Variants in EFNA5 observed in about 807,000 individuals in gnomAD.
EFNA5 encodes ephrin-A5.
Under a neutral mutation model 22.9 loss-of-function variants are expected in EFNA5, and 5 were observed. That is an observed-to-expected ratio of 0.22 (90% CI 0.11 to 0.46). EFNA5 has a LOEUF of 0.46. Among genes scored for constraint, EFNA5 ranks in the 20% least tolerant of loss-of-function variants. EFNA5 has a pLI of 0.99. For synonymous variants in EFNA5, 113 were observed against 112.2 expected (o/e 1.01, Z -0.04); for missense variants, 237 against 293.3 (o/e 0.81, Z 1.40).
Position 107,497,384 on chromosome 5 carries a change from C to T in EFNA5, c.126-69875G>A, listed in dbSNP as rs560640836. ...TTGCTAACCACATCTAGAAGGTAAACGGAGCCTTATATGGAGAAATAATAC... is the reference window on the plus strand; with the variant it reads ...TTGCTAACCACATCTAGAAGGTAAATGGAGCCTTATATGGAGAAATAATAC... On this transcript the variant is annotated intron_variant, in intron 1 of 4. Transcript: ENST00000333274. 2.8e-4 allele frequency among the ~76,000 whole-genome samples: 42 copies of T among 152,200 alleles called. No individual in the cohort carries two copies. In the South Asian group the frequency reaches 8.3e-3, roughly 30 times the overall value.
At chr5:107,623,202 A>G (rs533924492) in intron 1 of EFNA5, among the ~76,000 whole-genome samples, 27 of 152,168 alleles carry the variant, frequency 1.8e-4, no homozygotes, top group Non-Finnish European at 3.4e-4. Flanking sequence ...GAGCAGTGAG[A>G]TGGTGGGGCA....
At chr5:107,611,720 T>C (rs1749822077) in intron 1 of EFNA5, among the ~76,000 whole-genome samples, 1 of 152,210 alleles carries the variant, frequency 6.6e-6, no homozygotes, top group Non-Finnish European at 1.5e-5. Context: ...CAGTGATCTT[T>C]CAACTGGTTC....
chr5:107,468,392 AAGCT>A (rs1267208103), intron 1 of EFNA5, among the ~76,000 whole-genome samples: 1 of 152,202 alleles, frequency 6.6e-6, no homozygotes, highest in East Asian at 1.9e-4. Flanking sequence ...ATAAGAAATA[AAGCT>A]AATGAGTCAG....
At chr5:107,500,081 G>T (rs567327727) in intron 1 of EFNA5, among the ~76,000 whole-genome samples, 25 of 152,312 alleles carry the variant, frequency 1.6e-4, no homozygotes, top group African/African-American at 6.0e-4. Context: ...TGCTTCAGTT[G>T]TAGCTTTTCT....
intron 1 of EFNA5, among the ~76,000 whole-genome samples, chr5:107,580,779 C>T (rs1749055333): frequency 6.8e-6 from 1 of 146,900 alleles, no homozygotes; most frequent in African/African-American, 2.5e-5. Context: ...CAACCACAAA[C>T]ACCACAGAAA....
chr5:107,513,662 C>G (rs952931427), intron 1 of EFNA5, among the ~76,000 whole-genome samples: 8 of 152,160 alleles, frequency 5.3e-5, no homozygotes, highest in Non-Finnish European at 8.8e-5. Flanking sequence ...GCACCAGCTT[C>G]TTGCAAGCCT....
At chr5:107,522,442 A>C (rs1747617832) in intron 1 of EFNA5, among the ~76,000 whole-genome samples, 1 of 152,034 alleles carries the variant, frequency 6.6e-6, no homozygotes, top group African/African-American at 2.4e-5. Flanking sequence ...TCTGTTGCCT[A>C]GACTGGAGTG....
At chr5:107,415,555 G>T (rs1748482551) in intron 2 of EFNA5, among the ~76,000 whole-genome samples, 1 of 152,162 alleles carries the variant, frequency 6.6e-6, no homozygotes, top group Non-Finnish European at 1.5e-5. Flanking sequence ...TTTTTGGAGG[G>T]CTGCTGGGTG....
At chr5:107,588,918 G>A (rs1411101319) in intron 1 of EFNA5, among the ~76,000 whole-genome samples, 1 of 152,182 alleles carries the variant, frequency 6.6e-6, no homozygotes, top group African/African-American at 2.4e-5. Context: ...GCTGGCTGCA[G>A]TGCAAAGTGA....
At chr5:107,449,815 G>A (rs1317454797) in intron 1 of EFNA5, among the ~76,000 whole-genome samples, 1 of 152,172 alleles carries the variant, frequency 6.6e-6, no homozygotes, top group Admixed American at 6.5e-5. Flanking sequence ...CTCTGGAGAA[G>A]TAAACTTTTC....
intron 1 of EFNA5, among the ~76,000 whole-genome samples, chr5:107,630,525 T>C (rs1750228333): frequency 6.6e-6 from 1 of 152,070 alleles, no homozygotes; most frequent in Admixed American, 6.6e-5. Context: ...GGTACACCTA[T>C]ATAGAACATT....
intron 1 of EFNA5, among the ~76,000 whole-genome samples, chr5:107,644,278 A>C (rs1431826310): frequency 6.6e-6 from 1 of 152,198 alleles, no homozygotes; most frequent in Non-Finnish European, 1.5e-5. Flanking sequence ...CAGATTCGTC[A>C]GACAAATACT....
At chr5:107,523,539 G>C (rs954890172) in intron 1 of EFNA5, among the ~76,000 whole-genome samples, 11 of 152,302 alleles carry the variant, frequency 7.2e-5, no homozygotes, top group African/African-American at 2.6e-4. Flanking sequence ...GTGCCTTTCG[G>C]CCTGCTAAGA....
intron 1 of EFNA5, among the ~76,000 whole-genome samples, chr5:107,589,355 A>G (rs1013316735): frequency 3.3e-5 from 5 of 152,196 alleles, no homozygotes; most frequent in African/African-American, 1.2e-4. Flanking sequence ...GATCCTAAGA[A>G]AACAAAGTGA....
intron 1 of EFNA5, among the ~76,000 whole-genome samples, chr5:107,654,706 T>C (rs1346160212): frequency 1.3e-5 from 2 of 152,148 alleles, no homozygotes; most frequent in Non-Finnish European, 2.9e-5. Context: ...GCATCTTCTG[T>C]ATTTTAAACA....
At chr5:107,460,594 A>C (rs1461730217) in intron 1 of EFNA5, among the ~76,000 whole-genome samples, 1 of 152,184 alleles carries the variant, frequency 6.6e-6, no homozygotes, top group African/African-American at 2.4e-5. Flanking sequence ...GTAAAAAATA[A>C]ATTTGAGCAA....
At chr5:107,580,143 T>C (rs1196779457) in intron 1 of EFNA5, among the ~76,000 whole-genome samples, 1 of 152,114 alleles carries the variant, frequency 6.6e-6, no homozygotes, top group Non-Finnish European at 1.5e-5. Context: ...TTTTAAAGAG[T>C]TCTTTTCAGT....
chr5:107,573,443 T>C (rs1022785529), intron 1 of EFNA5, among the ~76,000 whole-genome samples: 1 of 151,998 alleles, frequency 6.6e-6, no homozygotes, highest in East Asian at 1.9e-4. Context: ...GCTTCTTTAC[T>C]TAATCCTGTT....
At chr5:107,640,132 A>G (rs1247151187) in intron 1 of EFNA5, among the ~76,000 whole-genome samples, 1 of 152,198 alleles carries the variant, frequency 6.6e-6, no homozygotes, top group African/African-American at 2.4e-5. Flanking sequence ...CTGAGACTTA[A>G]CGCCATTTTT....
Sources: gnomAD v4.1 joint callset for allele counts (sites outside exome capture counted in the v4.1 genomes callset) on GRCh38, gnomAD v4.1.1 for gene constraint, MANE v1.5 for transcripts, NCBI Gene and HGNC (gene_info 2026-07-23, HGNC 2026-07-21) for gene names.